The following SAMMSON variants were observed in gnomAD, a reference collection of about 807,000 sequenced individuals.
The protein encoded by SAMMSON is long intergenic non-protein coding RNA 1212.
chr3:70,333,648 C>A (rs1325577789), intron 7 of SAMMSON, among the ~76,000 whole-genome samples: 1 of 152,034 alleles, frequency 6.6e-6, no homozygotes, highest in East Asian at 1.9e-4. Context: ...ATCTAAGTAC[C>A]CAAAGTGGTC....
At chr3:70,014,832 A>C (rs1184846111) in intron 3 of SAMMSON, 1 of 152,180 alleles carries the variant, frequency 6.6e-6, no homozygotes, top group Admixed American at 6.5e-5. Flanking sequence ...TTGTGGTGTT[A>C]GTTAAAGATT....
intron 6 of SAMMSON, among the ~76,000 whole-genome samples, chr3:70,272,618 C>A (rs78509606): frequency 6.6e-6 from 1 of 152,036 alleles, no homozygotes; most frequent in Non-Finnish European, 1.5e-5. Context: ...GGGTAAATAC[C>A]TAGGAGTAGA....
chr3:70,268,458 G>A (rs779891453), intron 6 of SAMMSON, among the ~76,000 whole-genome samples: 6 of 130,250 alleles, frequency 4.6e-5, no homozygotes, highest in Non-Finnish European at 9.4e-5. Flanking sequence ...CTGGGCAACA[G>A]AGCGAGACTC....
intron 6 of SAMMSON, among the ~76,000 whole-genome samples, chr3:70,287,269 G>T (rs1234881672): frequency 3.0e-5 from 4 of 133,978 alleles, no homozygotes; most frequent in Admixed American, 7.4e-5. Flanking sequence ...TAGCATGAAG[G>T]GTTGTTGAAT....
chr3:70,187,224 A>G (rs537020911), intron 4 of SAMMSON, among the ~76,000 whole-genome samples: 15 of 152,228 alleles, frequency 9.9e-5, no homozygotes, highest in African/African-American at 3.6e-4. Context: ...GAAGGTGCCA[A>G]TTTCATTAAA....
upstream of SAMMSON, chr3:69,999,611 A>T (rs368246230): frequency 1.3e-5 from 2 of 152,224 alleles, no homozygotes; most frequent in African/African-American, 4.8e-5. Flanking sequence ...CTCTACCCCC[A>T]TGGATCTAGG....
intron 4 of SAMMSON, among the ~76,000 whole-genome samples, chr3:70,081,115 T>C (rs2067266228): frequency 6.6e-6 from 1 of 152,152 alleles, no homozygotes; most frequent in South Asian, 2.1e-4. Flanking sequence ...TGTTGTTTTG[T>C]TTTTGTTTTT....
At chr3:70,267,510 C>T (rs555142550) in intron 6 of SAMMSON, among the ~76,000 whole-genome samples, 1 of 149,186 alleles carries the variant, frequency 6.7e-6, no homozygotes, top group African/African-American at 2.5e-5. Flanking sequence ...TCACGCCCTT[C>T]TCCTGCCTCA....
chr3:70,247,469 T>C (rs1220915718), intron 4 of SAMMSON, among the ~76,000 whole-genome samples: 2 of 151,776 alleles, frequency 1.3e-5, no homozygotes, highest in Admixed American at 6.6e-5. Flanking sequence ...TATCATATAA[T>C]ATATATTATC....
rs1232400476 is a variant in SAMMSON at position 70,045,171 on chromosome 3, T to TTA, written n.418-26297_418-26296dup. ...TATATTAATTATAATATATTATAAT[T>TTA]TATATATATCGTTAATTATAATATT... On this transcript the variant is annotated intron_variant and non_coding_transcript_variant, in intron 3 of 9. Coordinates refer to ENST00000642114, the Ensembl canonical transcript of SAMMSON. Among the ~76,000 whole-genome samples the TTA allele has an allele frequency of 2.1e-4, 28 of 131,782 alleles. No individual in the cohort carries two copies. In the South Asian group the frequency reaches 5.6e-3, roughly 26 times the overall value. The allele number at this position is 131,782 out of a possible 152,430, so 86.5% of individuals were successfully genotyped here. A position where few individuals can be genotyped will look rare whatever the true frequency, so the allele number is the denominator to read the frequency against.
chr3:70,369,309 G>T (rs997516475), intron 9 of SAMMSON, among the ~76,000 whole-genome samples: 1 of 151,536 alleles, frequency 6.6e-6, no homozygotes, highest in Admixed American at 6.6e-5. Flanking sequence ...TGTCATCTGT[G>T]AGTAAAGACA....
chr3:70,301,052 T>A (rs1267588133), intron 7 of SAMMSON, among the ~76,000 whole-genome samples: 2 of 152,104 alleles, frequency 1.3e-5, no homozygotes, highest in Non-Finnish European at 2.9e-5. Flanking sequence ...TTATAGTTTT[T>A]CCTCATTTAA....
intron 3 of SAMMSON, among the ~76,000 whole-genome samples, chr3:70,027,143 C>G (rs925779535): frequency 6.6e-6 from 1 of 152,106 alleles, no homozygotes; most frequent in African/African-American, 2.4e-5. Flanking sequence ...GTTGAGTGTT[C>G]ATAATGATTT....
intron 1 of SAMMSON, among the ~76,000 whole-genome samples, chr3:70,010,843 C>G: frequency 6.6e-6 from 1 of 152,044 alleles, no homozygotes; most frequent in East Asian, 1.9e-4. Context: ...GGCTTTAGGA[C>G]GGAGTGAGTG....
intron 4 of SAMMSON, among the ~76,000 whole-genome samples, chr3:70,104,417 C>T (rs936659014): frequency 3.3e-5 from 5 of 151,866 alleles, no homozygotes; most frequent in African/African-American, 1.2e-4. Context: ...ATTCTCAGGG[C>T]GCCTGACAAG....
intron 2 of SAMMSON, among the ~76,000 whole-genome samples, chr3:70,418,596 T>C (rs1045703429): frequency 3.3e-5 from 5 of 152,312 alleles, no homozygotes; most frequent in African/African-American, 1.2e-4. Flanking sequence ...GACACTACAA[T>C]TCCAACAGTC....
intron 2 of SAMMSON, chr3:70,425,059 G>A: frequency 6.6e-6 from 1 of 152,536 alleles, no homozygotes; most frequent in East Asian, 1.9e-4. Context: ...AGGGGAAGAA[G>A]TGGAAAGAGA....
At chr3:70,122,630 T>TG (rs1373378016) in intron 4 of SAMMSON, among the ~76,000 whole-genome samples, 6 of 100,688 alleles carry the variant, frequency 6.0e-5, no homozygotes, top group East Asian at 1.8e-3. Context: ...AAACAAATAG[T>TG]GAAAAAAACA....
At chr3:70,074,057 T>C (rs1001001764) in intron 4 of SAMMSON, among the ~76,000 whole-genome samples, 1 of 151,888 alleles carries the variant, frequency 6.6e-6, no homozygotes, top group Non-Finnish European at 1.5e-5. Context: ...TTTTATTTTG[T>C]AGAAGCAATG....
Sources: gnomAD v4.1 joint callset for allele counts (sites outside exome capture counted in the v4.1 genomes callset) on GRCh38, gnomAD v4.1.1 for gene constraint, MANE v1.5 for transcripts, NCBI Gene and HGNC (gene_info 2026-07-23, HGNC 2026-07-21) for gene names.